Variants in CAMK2D observed in about 807,000 individuals in gnomAD.
CAMK2D encodes the protein calcium/calmodulin dependent protein kinase II delta.
Under a neutral mutation model 84.0 loss-of-function variants are expected in CAMK2D, and 37 were observed. That is an observed-to-expected ratio of 0.44 (90% CI 0.34 to 0.58). The LOEUF (loss-of-function observed/expected upper bound fraction) is 0.58. Among genes scored for constraint, CAMK2D ranks in the 20% least tolerant of loss-of-function variants. CAMK2D has a pLI of 0.02. For synonymous variants in CAMK2D, 202 were observed against 212.5 expected (o/e 0.95, Z 0.43); for missense variants, 448 against 652.5 (o/e 0.69, Z 3.41).
intron 3 of CAMK2D, among the ~76,000 whole-genome samples, chr4:113,659,393 T>C (rs566156359): frequency 3.3e-5 from 5 of 152,356 alleles, no homozygotes; most frequent in African/African-American, 1.2e-4. Flanking sequence ...AATTCCTATG[T>C]TGATATGCTA....
At chr4:113,537,559 C>T in intron 6 of CAMK2D, 116 bp from the exon 7 acceptor site, 1 of 637,094 alleles carries the variant, frequency 1.6e-6, no homozygotes, top group Non-Finnish European at 2.8e-6. Flanking sequence ...TGTCATCTTT[C>T]CTGGAGACTG....
chr4:113,523,410 T>TA lies in CAMK2D; in HGVS notation c.602-5754dup, dbSNP rs551902894. 1.6e-4 allele frequency among the ~76,000 whole-genome samples: 24 copies of TA among 152,104 alleles called. No individual in the cohort carries two copies. The South Asian group carries it at 5.0e-3, about 32-fold the overall frequency. ...GAATCTTTTTTTTTTTAAATTATGC[T>TA]AAAAATACCTAACATTAAATTTAAA... is the stretch of plus-strand genomic sequence containing the variant. On this transcript the variant is annotated intron_variant, in intron 8 of 20. Coordinates refer to ENST00000511664, the MANE Select transcript of CAMK2D (RefSeq NM_001321571.2).
chr4:113,462,267 TGTGTGTG>T (rs1446571090), intron 17 of CAMK2D, among the ~76,000 whole-genome samples: 13 of 47,594 alleles, frequency 2.7e-4, no homozygotes, highest in Non-Finnish European at 4.4e-4. Context: ...TATTTGGAAA[TGTGTGTG>T]TGTGTGTGTG....
intron 12 of CAMK2D, among the ~76,000 whole-genome samples, chr4:113,511,898 G>T (rs953575414): frequency 7.2e-5 from 11 of 152,096 alleles, no homozygotes; most frequent in African/African-American, 2.7e-4. Context: ...TGCAAAGGTG[G>T]GGAGAAAGGT....
intron 16 of CAMK2D, among the ~76,000 whole-genome samples, chr4:113,494,518 C>T (rs1175689171): frequency 6.6e-6 from 1 of 152,196 alleles, no homozygotes; most frequent in Non-Finnish European, 1.5e-5. Flanking sequence ...CAGCTGCGTG[C>T]TGGGAGAACC....
intron 3 of CAMK2D, among the ~76,000 whole-genome samples, chr4:113,634,896 G>T (rs1278741054): frequency 6.6e-6 from 1 of 152,100 alleles, no homozygotes; most frequent in Non-Finnish European, 1.5e-5. Context: ...TGGAAGCCTA[G>T]AAGGCCAGAC....
intron 4 of CAMK2D, among the ~76,000 whole-genome samples, chr4:113,597,496 A>G (rs909726995): frequency 6.6e-6 from 1 of 152,166 alleles, no homozygotes; most frequent in African/African-American, 2.4e-5. Flanking sequence ...CACCCCTCTC[A>G]GCCTTCAAAC....
At chr4:113,757,628 T>G (rs1448486475) in intron 2 of CAMK2D, among the ~76,000 whole-genome samples, 1 of 152,154 alleles carries the variant, frequency 6.6e-6, no homozygotes, top group African/African-American at 2.4e-5. Context: ...CTAGTTCCTT[T>G]TTCTAAGTAG....
At chr4:113,485,578 T>C (rs2097758362) in intron 16 of CAMK2D, among the ~76,000 whole-genome samples, 1 of 152,194 alleles carries the variant, frequency 6.6e-6, no homozygotes, top group Non-Finnish European at 1.5e-5. Context: ...TCTTTGGTCT[T>C]ATAGCCTTCA....
intron 2 of CAMK2D, among the ~76,000 whole-genome samples, chr4:113,683,828 C>A (rs1192486830): frequency 1.3e-5 from 2 of 152,142 alleles, no homozygotes; most frequent in Non-Finnish European, 2.9e-5. Context: ...CAGGAAATAT[C>A]GGTTTTGATC....
intron 12 of CAMK2D, among the ~76,000 whole-genome samples, chr4:113,511,262 G>A (rs940827266): frequency 1.3e-5 from 2 of 151,872 alleles, no homozygotes; most frequent in East Asian, 3.9e-4. Context: ...ACAAGATGTT[G>A]TAACTGGGTC....
intron 2 of CAMK2D, among the ~76,000 whole-genome samples, chr4:113,736,629 T>G (rs574552999): frequency 6.6e-6 from 1 of 152,314 alleles, no homozygotes; most frequent in African/African-American, 2.4e-5. Flanking sequence ...TTGACAGCAC[T>G]CCATATCACT....
intron 2 of CAMK2D, among the ~76,000 whole-genome samples, chr4:113,721,694 A>G (rs1199070914): frequency 6.6e-6 from 1 of 152,174 alleles, no homozygotes; most frequent in Non-Finnish European, 1.5e-5. Context: ...GTAAAAGCAA[A>G]GACTTCTAAC....
chr4:113,499,158 T>TA (rs1386198541), intron 16 of CAMK2D, among the ~76,000 whole-genome samples: 16 of 151,012 alleles, frequency 1.1e-4, no homozygotes, highest in South Asian at 2.1e-4. Context: ...TTTATTTGGC[T>TA]AAAAAAAAAG....
intron 2 of CAMK2D, among the ~76,000 whole-genome samples, chr4:113,710,374 A>C (rs1202308827): frequency 1.3e-5 from 2 of 152,158 alleles, no homozygotes; most frequent in Non-Finnish European, 2.9e-5. Flanking sequence ...AGGAACTAAA[A>C]TTATTAATAC....
chr4:113,467,424 C>T (rs539734325), intron 16 of CAMK2D, among the ~76,000 whole-genome samples: 8 of 152,148 alleles, frequency 5.3e-5, no homozygotes, highest in Middle Eastern at 3.4e-3. Flanking sequence ...TTTACTTCAT[C>T]GAGACTATAT....
chr4:113,465,624 G>A lies in CAMK2D; in HGVS notation c.1136-20C>T, dbSNP rs2097449939. 6.8e-7 allele frequency: 1 copy of A among 1,474,530 alleles called. No individual in the cohort carries two copies. Among genetic ancestry groups the A allele is most frequent in the Admixed American group, 1.7e-5 (1 of 59,070 alleles). The allele number at this position is 1,474,530 out of a possible 1,614,324, so 91.3% of individuals were successfully genotyped here. On this transcript the variant is annotated intron_variant, in intron 16 of 20. Transcript: ENST00000511664. ...TTCGTGCTAAAGGCAAAAATATGGA[G>A]TTGGGTAAGAATAAAAGACAAAAGT...
intron 2 of CAMK2D, among the ~76,000 whole-genome samples, chr4:113,685,087 G>A (rs911343478): frequency 2.0e-5 from 3 of 152,040 alleles, no homozygotes; most frequent in African/African-American, 7.2e-5. Flanking sequence ...ATGATAGGAG[G>A]GAGTCGCCAA....
chr4:113,519,632 A>G (rs947396560), intron 8 of CAMK2D, among the ~76,000 whole-genome samples: 1 of 152,178 alleles, frequency 6.6e-6, no homozygotes, highest in Admixed American at 6.5e-5. Flanking sequence ...TTAAACAAGC[A>G]TCTAAAACCT....
Sources: allele counts gnomAD v4.1 joint callset (sites outside exome capture counted in the v4.1 genomes callset), GRCh38; gene constraint gnomAD v4.1.1; transcripts MANE v1.5; gene names NCBI Gene and HGNC (gene_info 2026-07-23, HGNC 2026-07-21).